The following AKAP6 variants were observed in gnomAD, a reference collection of about 807,000 sequenced individuals.
The protein encoded by AKAP6 is A-kinase anchor protein 6.
AKAP6 carries 58 observed loss-of-function variants against 188.5 expected under a neutral mutation model. The ratio of observed to expected loss-of-function variants is 0.31; its 90% CI spans 0.25 to 0.38. The LOEUF (loss-of-function observed/expected upper bound fraction) is 0.38, where lower values mean the gene tolerates loss of function less well. Among genes scored for constraint, AKAP6 ranks in the 10% least tolerant of loss-of-function variants. AKAP6 has a pLI of 1.00. For missense variants in AKAP6, 2,710 were observed against 2,740.0 expected (o/e 0.99, Z 0.24); for synonymous variants, 989 against 998.6 (o/e 0.99, Z 0.18).
rs548680050 is a variant in AKAP6 at position 32,609,573 on chromosome 14, A to G, written c.2730+8781A>G. Among the ~76,000 whole-genome samples the G allele has an allele frequency of 2.6e-5, 4 of 152,208 alleles. No homozygotes were observed. In the South Asian group the frequency reaches 8.3e-4, roughly 32 times the overall value. On this transcript the variant is annotated intron_variant, in intron 7 of 13. Coordinates refer to ENST00000280979, the MANE Select transcript of AKAP6 (RefSeq NM_004274.5). ...ATACTCATTTGGCCTGCAGAGGCCA[A>G]CACTTGTTTAGCTTTGCCTCCTGCA... is the stretch of plus-strand genomic sequence containing the variant.
intron 12 of AKAP6, among the ~76,000 whole-genome samples, chr14:32,817,478 TG>T (rs1285144801): frequency 4.6e-5 from 6 of 130,480 alleles, no homozygotes; most frequent in South Asian, 2.6e-4. Context: ...TGTGTGTGTG[TG>T]TGTGTCTGTG....
At chr14:32,810,580 G>C (rs1174609377) in intron 12 of AKAP6, among the ~76,000 whole-genome samples, 3 of 152,176 alleles carry the variant, frequency 2.0e-5, no homozygotes, top group African/African-American at 7.2e-5. Context: ...AAATCTCTTG[G>C]AAACTTACTT....
chr14:32,551,188 C>T (rs1171654155), intron 4 of AKAP6, among the ~76,000 whole-genome samples: 1 of 152,182 alleles, frequency 6.6e-6, no homozygotes, highest in Non-Finnish European at 1.5e-5. Context: ...TCCTCTCCAG[C>T]AGATGCCCTC....
rs886166470 is a variant in AKAP6 at position 32,608,744 on chromosome 14, T to A, written c.2730+7952T>A. ...AGTTGAAAAGATGCTTGGTATTGTT[T>A]ACAAACTTACAGTCTGTGGAAAGCA... On this transcript the variant is annotated intron_variant, in intron 7 of 13. Transcript: ENST00000280979. Among the ~76,000 whole-genome samples the A allele has an allele frequency of 2.0e-5, 3 of 152,180 alleles. No individual in the cohort carries two copies. The South Asian group carries it at 6.2e-4, about 31-fold the overall frequency.
intron 2 of AKAP6, among the ~76,000 whole-genome samples, chr14:32,531,942 T>C (rs1882438284): frequency 6.6e-6 from 1 of 152,186 alleles, no homozygotes. Context: ...CAATTGTGGG[T>C]GGAGCTTCTT....
intron 1 of AKAP6, among the ~76,000 whole-genome samples, chr14:32,400,371 A>T (rs1407418529): frequency 6.6e-6 from 1 of 151,628 alleles, no homozygotes; most frequent in Non-Finnish European, 1.5e-5. Context: ...TGTTACTTAG[A>T]TTGGCAGTGA....
chr14:32,350,604 A>C (rs918135243), intron 1 of AKAP6, among the ~76,000 whole-genome samples: 3 of 152,216 alleles, frequency 2.0e-5, no homozygotes, highest in Non-Finnish European at 4.4e-5. Flanking sequence ...ATAGTTCTGT[A>C]CTAAGATCAG....
intron 2 of AKAP6, among the ~76,000 whole-genome samples, chr14:32,437,678 C>T (rs928717541): frequency 1.3e-5 from 2 of 152,026 alleles, no homozygotes; most frequent in Non-Finnish European, 2.9e-5. Flanking sequence ...CTCACTGCAA[C>T]CTTTGACCCT....
intron 7 of AKAP6, among the ~76,000 whole-genome samples, chr14:32,646,032 G>A (rs17515315): frequency 0.015 from 2,259 of 152,170 alleles, 34 homozygotes; most frequent in Middle Eastern, 0.031. Context: ...ATGGAAGCAT[G>A]CACCACTGGA....
At chr14:32,341,494 A>C (rs192078866) in intron 1 of AKAP6, among the ~76,000 whole-genome samples, 86 of 152,302 alleles carry the variant, frequency 5.6e-4, no homozygotes, top group African/African-American at 2.0e-3. Context: ...CAGTGATGAG[A>C]GCCAGTCCCT....
intron 11 of AKAP6, among the ~76,000 whole-genome samples, chr14:32,748,398 A>G (rs147088452): frequency 1.3e-5 from 2 of 152,332 alleles, no homozygotes; most frequent in African/African-American, 4.8e-5. Flanking sequence ...AAATGAGACA[A>G]TATATAAATG....
rs528511687 is a variant in AKAP6 at position 32,685,649 on chromosome 14, T to G, written c.2879+7190T>G. Among the ~76,000 whole-genome samples, 6 of 140,308 alleles carry G rather than the reference T, an allele frequency of 4.3e-5. No individual in the cohort carries two copies. In the South Asian group the frequency reaches 1.4e-3, roughly 32 times the overall value. The allele number at this position is 140,308 out of a possible 152,430, so 92.0% of individuals were successfully genotyped here. Reference sequence around the variant, plus strand: ...TGAGGCAGGAGAATGACATGAACCCTGGAGGCGGAGCTTGCAGTGAGCCAA... The same window carrying G: ...TGAGGCAGGAGAATGACATGAACCCGGGAGGCGGAGCTTGCAGTGAGCCAA... On this transcript the variant is annotated intron_variant, in intron 8 of 13. Transcript: ENST00000280979.
chr14:32,469,063 GT>G (rs1878620612), intron 2 of AKAP6, among the ~76,000 whole-genome samples: 1 of 152,134 alleles, frequency 6.6e-6, no homozygotes, highest in African/African-American at 2.4e-5. Context: ...TCCCTCGTCT[GT>G]TTTGTCATAC....
At chr14:32,659,144 A>C (rs1176984020) in intron 7 of AKAP6, among the ~76,000 whole-genome samples, 1 of 152,154 alleles carries the variant, frequency 6.6e-6, no homozygotes, top group Non-Finnish European at 1.5e-5. Flanking sequence ...TTAGCACACG[A>C]TGATTCCGCT....
rs12436724 is a variant in AKAP6 at position 32,385,509 on chromosome 14, C to A, written c.-34-47951C>A. Among the ~76,000 whole-genome samples, 117 of 151,554 alleles carry A rather than the reference C, an allele frequency of 7.7e-4. 1 individual carries two copies. The highest frequency in any genetic ancestry group is 7.4e-3 in the Admixed American group (113 of 15,190). On this transcript the variant is annotated intron_variant, in intron 1 of 13. Coordinates refer to ENST00000280979, the MANE Select transcript of AKAP6 (RefSeq NM_004274.5). The stretch of plus-strand genomic sequence containing the variant: ...TTGTGAGATTTTGTTGCACCCATCA[C>A]CCTAGCAGTATACACTGCACCCTAT...
intron 7 of AKAP6, among the ~76,000 whole-genome samples, chr14:32,673,133 ATATC>A (rs1249717948): frequency 6.6e-6 from 1 of 152,158 alleles, no homozygotes; most frequent in African/African-American, 2.4e-5. Flanking sequence ...GTCTATGAAG[ATATC>A]TATCTGTTTC....
intron 12 of AKAP6, among the ~76,000 whole-genome samples, chr14:32,774,652 C>T (rs906437748): frequency 5.3e-5 from 8 of 152,000 alleles, no homozygotes; most frequent in African/African-American, 1.9e-4. Context: ...AAGAATTTAT[C>T]GATAAAAAAG....
At chr14:32,762,687 ACTATTAAAACAAAAT>A (rs146158869) in intron 11 of AKAP6, among the ~76,000 whole-genome samples, 14,607 of 152,116 alleles carry the variant, frequency 0.096, 681 homozygotes, top group East Asian at 0.13. Flanking sequence ...AAAAATACAA[ACTATTAAAACAAAAT>A]TGTGAATGTT....
chr14:32,545,540 A>G lies in AKAP6; in HGVS notation c.887A>G (p.Gln296Arg). The change falls in exon 4 of 14, where the codon CAA becomes CGA. Residue 296 changes from glutamine to arginine, a missense_variant. Around this residue, in one of 2 missense-constraint regions of AKAP6, gnomAD observed 2,473 missense variants for 2,426.1 expected, o/e 1.02. Coordinates refer to ENST00000280979, the MANE Select transcript of AKAP6 (RefSeq NM_004274.5). ...GSEAVTEEVS[Q>R]VSLSVDDKGG... Reference sequence around the variant, plus strand: ...GAAGCAGTTACTGAGGAGGTATCTCAAGTATCTCTCTCAGTAGACGACAAA... The same window carrying G: ...GAAGCAGTTACTGAGGAGGTATCTCGAGTATCTCTCTCAGTAGACGACAAA... 6.2e-7 allele frequency: 1 copy of G among 1,612,980 alleles called. No individual in the cohort carries two copies. Among genetic ancestry groups the G allele is most frequent in the Non-Finnish European group, 8.5e-7 (1 of 1,178,902 alleles).
Sources: gnomAD v4.1 joint callset for allele counts (sites outside exome capture counted in the v4.1 genomes callset) on GRCh38, gnomAD v4.1.1 for gene constraint, gnomAD v4.1.1 regional missense constraint, MANE v1.5 for transcripts, NCBI Gene and HGNC (gene_info 2026-07-23, HGNC 2026-07-21) for gene names.